The following ZCWPW2 variants were observed in gnomAD, a reference collection of about 807,000 sequenced individuals.
The protein encoded by ZCWPW2 is zinc finger CW-type PWWP domain protein 2.
ZCWPW2 carries 45 observed loss-of-function variants against 46.6 expected under a neutral mutation model. That is an observed-to-expected ratio of 0.96 (90% CI 0.76 to 1.24). The LOEUF is 1.24. Ranked by LOEUF, ZCWPW2 falls within the 50% of genes most tolerant of loss-of-function variation. The pLI, the probability that ZCWPW2 is intolerant of heterozygous loss-of-function variation, is 0.00. For missense variants in ZCWPW2, 429 were observed against 403.9 expected (o/e 1.06, Z -0.53); for synonymous variants, 152 against 137.1 (o/e 1.11, Z -0.76).
intron 1 of ZCWPW2, among the ~76,000 whole-genome samples, chr3:28,373,051 A>T (rs188577423): frequency 1.3e-5 from 2 of 152,114 alleles, no homozygotes; most frequent in African/African-American, 4.8e-5. Context: ...TTCTTTATCT[A>T]TTCACCCATT....
At chr3:28,361,046 G>T (rs1704922352) in intron 1 of ZCWPW2, among the ~76,000 whole-genome samples, 1 of 152,026 alleles carries the variant, frequency 6.6e-6, no homozygotes, top group Non-Finnish European at 1.5e-5. Flanking sequence ...TTAGGCTTGG[G>T]TCCCATCCTC....
intron 3 of ZCWPW2, among the ~76,000 whole-genome samples, chr3:28,426,861 C>A (rs1159194419): frequency 6.6e-6 from 1 of 152,194 alleles, no homozygotes; most frequent in Non-Finnish European, 1.5e-5. Context: ...TAATTGGCTA[C>A]ATGGCAACTG....
Position 28,348,926 on chromosome 3 carries a change from C to G in ZCWPW2, c.-411C>G, listed in dbSNP as rs1704402128. On this transcript the variant is annotated 5_prime_UTR_variant, in exon 1 of 10. Coordinates refer to ENST00000383768, the MANE Select transcript of ZCWPW2 (RefSeq NM_001040432.4). ...GCCCGCCGTCGGGACCAGCACGGGC[C>G]GGAGGGAGGGGAAGCACTCCGGAAA... 2.0e-6 allele frequency: 2 copies of G among 983,850 alleles called. No homozygotes were observed. Among genetic ancestry groups the G allele is most frequent in the Non-Finnish European group, 2.4e-6 (2 of 828,516 alleles). 60.9% of individuals were successfully genotyped at this position (983,850 alleles called of 1,614,324 possible).
intron 1 of ZCWPW2, among the ~76,000 whole-genome samples, chr3:28,349,752 T>C (rs1577154238): frequency 6.6e-6 from 1 of 152,282 alleles, no homozygotes; most frequent in East Asian, 1.9e-4. Context: ...ACAATAATTA[T>C]AGAAAATTTA....
chr3:28,349,294 G>T (rs1395842377), intron 1 of ZCWPW2, 91 bp downstream of exon 1: 2 of 815,656 alleles, frequency 2.5e-6, no homozygotes, highest in East Asian at 1.2e-4. Flanking sequence ...GTGTCCTTTT[G>T]GGGGGTCCCC....
chr3:28,388,995 G>A (rs1308500993), intron 1 of ZCWPW2, among the ~76,000 whole-genome samples: 1 of 152,134 alleles, frequency 6.6e-6, no homozygotes, highest in Non-Finnish European at 1.5e-5. Flanking sequence ...TCAATCAACT[G>A]ATCCATCACA....
chr3:28,421,126 A>C (rs191869388), intron 3 of ZCWPW2, among the ~76,000 whole-genome samples: 94 of 152,208 alleles, frequency 6.2e-4, no homozygotes, highest in African/African-American at 2.2e-3. Context: ...CATGGGAGTA[A>C]GAGTCAAGGT....
At chr3:28,380,934 GTATATATA>G (rs578178124) in intron 1 of ZCWPW2, among the ~76,000 whole-genome samples, 1,545 of 13,316 alleles carry the variant, frequency 0.12, 335 homozygotes, top group South Asian at 0.29. Flanking sequence ...TATATATTTG[GTATATATA>G]TATATATATA....
intron 1 of ZCWPW2, among the ~76,000 whole-genome samples, chr3:28,384,662 G>C (rs927863366): frequency 2.3e-4 from 34 of 149,990 alleles, no homozygotes; most frequent in African/African-American, 8.1e-4. Context: ...ACCCAGGCTG[G>C]AGTGCAGTGG....
chr3:28,390,634 C>T lies in ZCWPW2; in HGVS notation c.-14+17C>T, dbSNP rs1472585676. The T allele has an allele frequency of 1.0e-6, 1 of 985,252 alleles. No homozygotes were observed. Among genetic ancestry groups the T allele is most frequent in the Non-Finnish European group, 1.2e-6 (1 of 829,914 alleles). The allele number at this position is 985,252 out of a possible 1,614,324, so 61.0% of individuals were successfully genotyped here. A position where few individuals can be genotyped will look rare whatever the true frequency, so the allele number is the denominator to read the frequency against. On this transcript the variant is annotated intron_variant, in intron 2 of 9. Coordinates refer to ENST00000383768, the MANE Select transcript of ZCWPW2 (RefSeq NM_001040432.4). ...TCTAACTCCGTAAGTACTTGAGAAA[C>T]TCCAAAATGTTTTTCTCTAGTACAT... is the stretch of plus-strand genomic sequence containing the variant.
In ZCWPW2 at chr3:28,439,043, T is replaced by C. The variant is rs1575135856; in HGVS notation, c.492+3774T>C. ...TAGTATATATATATCCTAGTATATATCTATGGTGTGTGTGTGTATATATAT... is the reference window on the plus strand; with the variant it reads ...TAGTATATATATATCCTAGTATATACCTATGGTGTGTGTGTGTATATATAT... On this transcript the variant is annotated intron_variant, in intron 4 of 9. Coordinates refer to ENST00000383768, the MANE Select transcript of ZCWPW2 (RefSeq NM_001040432.4). Among the ~76,000 whole-genome samples, 3 of 149,424 alleles carry C rather than the reference T, an allele frequency of 2.0e-5. No homozygotes were observed. The East Asian group carries it at 6.1e-4, about 31-fold the overall frequency.
intron 1 of ZCWPW2, among the ~76,000 whole-genome samples, chr3:28,351,380 G>A (rs1577156961): frequency 6.6e-6 from 1 of 151,378 alleles, no homozygotes; most frequent in East Asian, 1.9e-4. Flanking sequence ...TACTGGCCGA[G>A]ACTGGGTTCC....
intron 3 of ZCWPW2, among the ~76,000 whole-genome samples, chr3:28,414,486 T>C (rs1171023014): frequency 6.6e-6 from 1 of 152,042 alleles, no homozygotes. Flanking sequence ...CTTTAAGTTT[T>C]AGGGTACATG....
chr3:28,499,275 G>A (rs1335524391), intron 6 of ZCWPW2, among the ~76,000 whole-genome samples: 1 of 152,132 alleles, frequency 6.6e-6, no homozygotes, highest in Non-Finnish European at 1.5e-5. Context: ...CAGTGTAAAA[G>A]CGTTCCTATT....
At chr3:28,406,328 A>G (rs151168173) in intron 2 of ZCWPW2, among the ~76,000 whole-genome samples, 5 of 152,330 alleles carry the variant, frequency 3.3e-5, no homozygotes, top group African/African-American at 1.2e-4. Flanking sequence ...GCCAATATCT[A>G]TTATCCAAGA....
At chr3:28,410,114 C>T (rs2125737914) in intron 2 of ZCWPW2, among the ~76,000 whole-genome samples, 1 of 152,078 alleles carries the variant, frequency 6.6e-6, no homozygotes, top group Non-Finnish European at 1.5e-5. Context: ...TGGCAAAGAA[C>T]ATTATTAGGG....
intron 5 of ZCWPW2, among the ~76,000 whole-genome samples, chr3:28,481,735 A>G (rs757515463): frequency 2.0e-5 from 3 of 152,180 alleles, no homozygotes; most frequent in Non-Finnish European, 4.4e-5. Context: ...TATATTTACA[A>G]AAAATGTATA....
intron 4 of ZCWPW2, among the ~76,000 whole-genome samples, chr3:28,468,035 T>C (rs1203634275): frequency 2.0e-5 from 3 of 152,026 alleles, no homozygotes; most frequent in Non-Finnish European, 2.9e-5. Context: ...GAATTCAAAA[T>C]AGCTGTTTTG....
At chr3:28,507,910 A>C (rs1447652074) in intron 6 of ZCWPW2, among the ~76,000 whole-genome samples, 1 of 152,086 alleles carries the variant, frequency 6.6e-6, no homozygotes, top group African/African-American at 2.4e-5. Flanking sequence ...TTCTGTTTGT[A>C]ATTCTGTGTT....
Sources: allele counts gnomAD v4.1 joint callset (sites outside exome capture counted in the v4.1 genomes callset), GRCh38; gene constraint gnomAD v4.1.1; transcripts MANE v1.5; gene names NCBI Gene and HGNC (gene_info 2026-07-23, HGNC 2026-07-21).